The following MCM7 variants were observed in gnomAD, a reference collection of about 807,000 sequenced individuals.
The protein encoded by MCM7 is DNA replication licensing factor MCM7.
MCM7 carries 95 observed loss-of-function variants against 83.5 expected under a neutral mutation model. That is an observed-to-expected ratio of 1.14 (90% CI 0.96 to 1.35). MCM7 has a LOEUF of 1.35. Among genes scored for constraint, MCM7 ranks in the 40% most tolerant of loss-of-function variants. The pLI is 0.00. For missense variants in MCM7, 1,087 were observed against 957.4 expected (o/e 1.14, Z -1.79); for synonymous variants, 461 against 352.7 (o/e 1.31, Z -3.44).
intron 1 of MCM7, chr7:100,100,856 G>A (rs1377316970): frequency 2.0e-6 from 2 of 1,021,656 alleles, no homozygotes; most frequent in Non-Finnish European, 2.3e-6. Flanking sequence ...CGGCCTGCCC[G>A]CCCCCGGGGC....
intron 12 of MCM7, 121 bp from the exon 13 acceptor site, chr7:100,094,462 G>T: frequency 8.9e-7 from 1 of 1,128,566 alleles, no homozygotes; most frequent in Non-Finnish European, 1.3e-6. Context: ...AGAATTTTAA[G>T]TGGAAAACAC....
chr7:100,101,087 C>T (rs1795995250), intron 1 of MCM7, 177 bp downstream of exon 1: 2 of 773,636 alleles, frequency 2.6e-6, no homozygotes, highest in Admixed American at 5.5e-5. Context: ...ATCGATGGCC[C>T]CCCGCACGCT....
chr7:100,093,564 G>A (rs777567675), intron 13 of MCM7, 163 bp from the exon 14 acceptor site: 10 of 794,254 alleles, frequency 1.3e-5, no homozygotes, highest in South Asian at 2.7e-5. Flanking sequence ...GTGTTGGGCC[G>A]GCACTGTCAG....
At chr7:100,101,016 A>C in intron 1 of MCM7, 1 of 785,516 alleles carries the variant, frequency 1.3e-6, no homozygotes, top group Non-Finnish European at 1.9e-6. Flanking sequence ...GCGCGCCCCC[A>C]AGCCCCCAAC....
intron 10 of MCM7, among the ~76,000 whole-genome samples, chr7:100,096,573 C>T (rs911115626): frequency 5.3e-5 from 8 of 152,120 alleles, no homozygotes; most frequent in East Asian, 1.9e-4. Flanking sequence ...GTCAGGAGTT[C>T]GAGACCAGCC....
chr7:100,099,871 A>G, intron 2 of MCM7, 118 bp from the exon 3 acceptor site: 1 of 1,450,382 alleles, frequency 6.9e-7, no homozygotes, highest in Non-Finnish European at 9.5e-7. Flanking sequence ...CACAGGGGAG[A>G]ACGCAGCGCC....
chr7:100,093,238 A>G (rs1252060698), intron 14 of MCM7, 54 bp downstream of exon 14: 2 of 1,590,376 alleles, frequency 1.3e-6, no homozygotes, highest in Non-Finnish European at 1.7e-6. Context: ...AACCTCAGAC[A>G]CATGGCCACA....
chr7:100,099,013 C>A lies in MCM7; in HGVS notation c.582+10G>T, dbSNP rs1047728948. 6.2e-7 allele frequency: 1 copy of A among 1,613,870 alleles called. No homozygotes were observed. The highest frequency in any genetic ancestry group is 1.1e-5 in the South Asian group (1 of 91,054). ...GGTAAGTGCTTTCCTGCTTCTTGCT[C>A]CACACGTACCGGCTGGTAGGTCTCT... On this transcript the variant is annotated intron_variant, in intron 5 of 14. Transcript: ENST00000303887.
chr7:100,096,259 C>A, intron 10 of MCM7, 92 bp from the exon 11 acceptor site: 1 of 1,300,560 alleles, frequency 7.7e-7, no homozygotes, highest in Non-Finnish European at 1.0e-6. Flanking sequence ...GCGAGGCCTG[C>A]GCTGGGATCA....
intron 12 of MCM7, among the ~76,000 whole-genome samples, chr7:100,094,694 T>C (rs1795524034): frequency 6.6e-6 from 1 of 152,146 alleles, no homozygotes; most frequent in Admixed American, 6.5e-5. Flanking sequence ...TACAGAATAT[T>C]TAAAAGGGAG....
chr7:100,098,045 T>C, intron 7 of MCM7, 96 bp downstream of exon 7: 1 of 1,578,668 alleles, frequency 6.3e-7, no homozygotes, highest in Non-Finnish European at 8.7e-7. Flanking sequence ...GGGTTCTGTT[T>C]TGTTTGGGGT....
chr7:100,101,089 C>T (rs1795995688), intron 1 of MCM7, 175 bp downstream of exon 1: 2 of 781,270 alleles, frequency 2.6e-6, no homozygotes, highest in Non-Finnish European at 4.0e-6. Context: ...CGATGGCCCC[C>T]CGCACGCTTC....
intron 1 of MCM7, 136 bp downstream of exon 1, chr7:100,101,128 C>A (rs1488069829): frequency 3.6e-6 from 4 of 1,111,556 alleles, no homozygotes; most frequent in Admixed American, 2.1e-5. Context: ...AGCCAGGCCG[C>A]AGCTCGACCC....
intron 13 of MCM7, 70 bp downstream of exon 13, chr7:100,094,103 T>C (rs1227379839): frequency 1.3e-6 from 2 of 1,597,480 alleles, no homozygotes; most frequent in South Asian, 1.1e-5. Context: ...GAGGCGGCAA[T>C]GAGAGCACGG....
At chr7:100,101,009 C>T in intron 1 of MCM7, 1 of 815,526 alleles carries the variant, frequency 1.2e-6, no homozygotes, top group Non-Finnish European at 1.8e-6. Flanking sequence ...CGGGTTAGCG[C>T]GCCCCCAAGC....
At position 100,094,745 on chromosome 7, in the gene MCM7, C is replaced by T. The variant is rs186857759; in HGVS notation, c.1680-404G>A. Among the ~76,000 whole-genome samples the T allele has an allele frequency of 1.7e-3, 259 of 152,176 alleles. 1 individual carries two copies. The highest frequency in any genetic ancestry group is 6.8e-3 in the Middle Eastern group (2 of 294). On this transcript the variant is annotated intron_variant, in intron 12 of 14. Coordinates refer to ENST00000303887, the MANE Select transcript of MCM7 (RefSeq NM_005916.5). The stretch of plus-strand genomic sequence containing the variant: ...ACACTGGAGGCTCATGGGAAAATAG[C>T]GATAGAGATTATCATCCAGAATGCC...
chr7:100,096,315 G>T, intron 10 of MCM7, 148 bp from the exon 11 acceptor site: 1 of 754,490 alleles, frequency 1.3e-6, no homozygotes, highest in Non-Finnish European at 2.1e-6. Flanking sequence ...GAGGATCTGT[G>T]GGGCACTGGC....
rs373899409 is a variant in MCM7, at chr7:100,099,701, A to G, written c.164T>C (p.Val55Ala). ...QVALYVDLDD[V>A]AEDDPELVDS... is the part of the protein sequence containing the mutation. ...CACCAACTCGGGGTCATCCTCGGCT[A>G]CGTCGTCCAGGTCCACATACAGAGC... Residue 55 changes from valine to alanine, a missense_variant, in exon 3 of 15, where the codon GTA becomes GCA. Physicochemically the swap from Val to Ala is moderately conservative, Grantham distance 64. Coordinates refer to ENST00000303887, the MANE Select transcript of MCM7 (RefSeq NM_005916.5). The G allele has an allele frequency of 1.2e-6, 2 of 1,614,092 alleles. No individual in the cohort carries two copies. The highest frequency in any genetic ancestry group is 2.7e-5 in the African/African-American group (2 of 74,936).
In MCM7 at chr7:100,099,044, A is replaced by G. The variant is rs1584494642; in HGVS notation, c.561T>C (p.Cys187=). The change falls in exon 5 of 15, where the codon TGT becomes TGC. Residue 187 remains cysteine, a synonymous_variant. Coordinates refer to ENST00000303887, the MANE Select transcript of MCM7 (RefSeq NM_005916.5). ...GTACCGGCTGGTAGGTCTCTGCCCC[A>G]CACTGGTCACAAGTGTAAGTGGCCA... The part of the protein sequence containing the change: ...MVVATYTCDQ[C]GAETYQPIQS... The G allele has an allele frequency of 6.2e-7, 1 of 1,614,138 alleles. No homozygotes were observed. The highest frequency in any genetic ancestry group is 8.5e-7 in the Non-Finnish European group (1 of 1,180,030).
Sources: allele counts gnomAD v4.1 joint callset (sites outside exome capture counted in the v4.1 genomes callset), GRCh38; gene constraint gnomAD v4.1.1; transcripts MANE v1.5; gene names NCBI Gene and HGNC (gene_info 2026-07-23, HGNC 2026-07-21).